The following RAB3C variants were observed in gnomAD, a reference collection of about 807,000 sequenced individuals.
RAB3C encodes ras-related protein Rab-3C.
A neutral mutation model predicts 26.4 loss-of-function variants in RAB3C; 17 were observed. The observed-to-expected ratio is 0.64, with a 90% CI of 0.44 to 0.97. The LOEUF (loss-of-function observed/expected upper bound fraction) is 0.97. Among genes scored for constraint, RAB3C ranks in the 50% least tolerant of loss-of-function variants. RAB3C has a pLI of 0.00. For missense variants in RAB3C, 242 were observed against 281.9 expected (o/e 0.86, Z 1.01); for synonymous variants, 91 against 95.9 (o/e 0.95, Z 0.30).
intron 1 of RAB3C, among the ~76,000 whole-genome samples, chr5:58,584,710 A>G (rs1745975290): frequency 6.6e-6 from 1 of 152,174 alleles, no homozygotes; most frequent in South Asian, 2.1e-4. Context: ...TTTACACAAT[A>G]AAAAAGATTT....
intron 2 of RAB3C, among the ~76,000 whole-genome samples, chr5:58,685,571 A>G (rs1388397963): frequency 6.6e-6 from 1 of 152,162 alleles, no homozygotes; most frequent in Non-Finnish European, 1.5e-5. Context: ...AGGAAATAGG[A>G]TGTATACATC....
intron 3 of RAB3C, among the ~76,000 whole-genome samples, chr5:58,752,910 A>AAT (rs1327946818): frequency 6.6e-6 from 1 of 152,172 alleles, no homozygotes; most frequent in Non-Finnish European, 1.5e-5. Context: ...ACTTGTAATG[A>AAT]ATTAGGCTTA....
intron 2 of RAB3C, among the ~76,000 whole-genome samples, chr5:58,670,492 T>A (rs1401135318): frequency 1.3e-5 from 2 of 152,212 alleles, no homozygotes; most frequent in African/African-American, 4.8e-5. Context: ...TATTCTAAGC[T>A]AGCCAAATCT....
intron 3 of RAB3C, among the ~76,000 whole-genome samples, chr5:58,768,032 A>G (rs969893613): frequency 2.6e-5 from 4 of 152,182 alleles, no homozygotes; most frequent in African/African-American, 7.2e-5. Context: ...TCACATTTGT[A>G]TAAGACTTCC....
intron 3 of RAB3C, among the ~76,000 whole-genome samples, chr5:58,819,451 C>T (rs986103152): frequency 1.3e-5 from 2 of 152,188 alleles, no homozygotes; most frequent in African/African-American, 4.8e-5. Flanking sequence ...TTTATACTTC[C>T]TCATCTCTAA....
chr5:58,675,717 A>G (rs1033479168), intron 2 of RAB3C, among the ~76,000 whole-genome samples: 14 of 150,848 alleles, frequency 9.3e-5, no homozygotes, highest in Admixed American at 4.0e-4. Flanking sequence ...TGCACAAAGC[A>G]TTACATTGGA....
intron 2 of RAB3C, among the ~76,000 whole-genome samples, chr5:58,700,587 A>G: frequency 6.6e-6 from 1 of 152,172 alleles, no homozygotes; most frequent in East Asian, 1.9e-4. Context: ...AATAACATTC[A>G]TTGTGTGTTC....
intron 3 of RAB3C, among the ~76,000 whole-genome samples, chr5:58,732,319 ATATAT>A (rs1307849262): frequency 2.4e-4 from 36 of 151,878 alleles, no homozygotes; most frequent in African/African-American, 1.9e-4. Context: ...ATTAAACATG[ATATAT>A]TATATAGCTC....
intron 3 of RAB3C, among the ~76,000 whole-genome samples, chr5:58,764,665 A>G (rs1257972976): frequency 2.0e-5 from 3 of 152,224 alleles, no homozygotes; most frequent in East Asian, 3.8e-4. Context: ...GTCAATTTTG[A>G]TAGCACTCAC....
intron 2 of RAB3C, among the ~76,000 whole-genome samples, chr5:58,642,276 G>A (rs527725214): frequency 6.6e-6 from 1 of 152,280 alleles, no homozygotes; most frequent in South Asian, 2.1e-4. Context: ...TAAAACTGAG[G>A]CACCCAGACC....
At chr5:58,720,248 T>C (rs890907422) in intron 2 of RAB3C, among the ~76,000 whole-genome samples, 1 of 151,938 alleles carries the variant, frequency 6.6e-6, no homozygotes, top group African/African-American at 2.4e-5. Flanking sequence ...ATAGAGAATA[T>C]GGTATTCCTA....
In RAB3C at chr5:58,627,724, G is replaced by A. The variant is rs142624947; in HGVS notation, c.252+9854G>A. On this transcript the variant is annotated intron_variant, in intron 2 of 4. Transcript: ENST00000282878. ...ATTGCCACTGTGGCAGCTAAACAGC[G>A]AGATAAGAGATAGCAAATGTGAGCA... 6.9e-3 allele frequency among the ~76,000 whole-genome samples: 1,045 copies of A among 152,258 alleles called. 4 individuals carry two copies. Among genetic ancestry groups the A allele is most frequent in the African/African-American group, 0.022 (920 of 41,544 alleles).
intron 4 of RAB3C, among the ~76,000 whole-genome samples, chr5:58,844,381 C>T (rs1743942916): frequency 6.6e-6 from 1 of 152,198 alleles, no homozygotes; most frequent in African/African-American, 2.4e-5. Context: ...TTTAGTAGCA[C>T]TAGCCTTTGG....
intron 3 of RAB3C, among the ~76,000 whole-genome samples, chr5:58,736,126 G>T (rs115338277): frequency 2.6e-5 from 4 of 152,008 alleles, no homozygotes; most frequent in Non-Finnish European, 5.9e-5. Flanking sequence ...TGTAATCTGC[G>T]CCCTGTCCCT....
At chr5:58,619,617 A>G (rs889940788) in intron 2 of RAB3C, among the ~76,000 whole-genome samples, 7 of 152,122 alleles carry the variant, frequency 4.6e-5, no homozygotes, top group Non-Finnish European at 8.8e-5. Flanking sequence ...TCTTTCTGTC[A>G]TAGAGATAAT....
Position 58,624,812 on chromosome 5 carries a change from A to C in RAB3C, c.252+6942A>C, listed in dbSNP as rs559294516. On this transcript the variant is annotated intron_variant, in intron 2 of 4. Coordinates refer to ENST00000282878, the MANE Select transcript of RAB3C (RefSeq NM_138453.4). ...GACCTCTCTGTGTAACCTTGGGACAAATGACTTCACCTTTCTGGGAAGCAG... is the reference window on the plus strand; with the variant it reads ...GACCTCTCTGTGTAACCTTGGGACACATGACTTCACCTTTCTGGGAAGCAG... 7.7e-4 allele frequency among the ~76,000 whole-genome samples: 117 copies of C among 152,258 alleles called. No homozygotes were observed. The South Asian group carries it at 0.016, about 21-fold the overall frequency.
In RAB3C at chr5:58,845,029, TG is replaced by T. The variant is rs1205596674; in HGVS notation, c.497-6133del. ...GCACTGGAGAAAGCGGGGGAAGAGG[TG>T]GTTAAGTGTGCAATACTGTGATTGT... On this transcript the variant is annotated intron_variant, in intron 4 of 4. Coordinates refer to ENST00000282878, the MANE Select transcript of RAB3C (RefSeq NM_138453.4). 3.0e-3 allele frequency among the ~76,000 whole-genome samples: 460 copies of T among 152,130 alleles called. 5 individuals are homozygous for T. Among genetic ancestry groups the T allele is most frequent in the African/African-American group, 0.01 (434 of 41,470 alleles).
At chr5:58,648,344 G>A (rs182104297) in intron 2 of RAB3C, among the ~76,000 whole-genome samples, 187 of 152,256 alleles carry the variant, frequency 1.2e-3, no homozygotes, top group African/African-American at 4.3e-3. Context: ...CGTAGATTCT[G>A]TGCTGTGTGT....
intron 3 of RAB3C, among the ~76,000 whole-genome samples, chr5:58,787,929 A>G (rs1742428577): frequency 1.3e-5 from 2 of 152,208 alleles, no homozygotes; most frequent in Non-Finnish European, 2.9e-5. Flanking sequence ...CAAACTAAAC[A>G]GACATCAAGA....
Sources: gnomAD v4.1 joint callset for allele counts (sites outside exome capture counted in the v4.1 genomes callset) on GRCh38, gnomAD v4.1.1 for gene constraint, MANE v1.5 for transcripts, NCBI Gene and HGNC (gene_info 2026-07-23, HGNC 2026-07-21) for gene names.